The following SLC5A10 variants were observed in gnomAD, a reference collection of about 807,000 sequenced individuals.
SLC5A10 encodes the protein solute carrier family 5 member 10.
SLC5A10 carries 55 observed loss-of-function variants against 68.9 expected under a neutral mutation model. The observed-to-expected ratio is 0.80, with a 90% confidence interval of 0.64 to 1.00. The LOEUF (loss-of-function observed/expected upper bound fraction) is 1.00, where lower values mean the gene tolerates loss of function less well. SLC5A10 is among the 50% of genes least tolerant of loss of function. SLC5A10 has a pLI of 0.00. For synonymous variants in SLC5A10, 344 were observed against 344.8 expected (o/e 1.00, Z 0.02); for missense variants, 732 against 819.3 (o/e 0.89, Z 1.30).
upstream of SLC5A10, chr17:18,952,045 C>T: frequency 8.1e-7 from 1 of 1,228,784 alleles, no homozygotes; most frequent in Non-Finnish European, 1.1e-6. Flanking sequence ...AGCTGAACTG[C>T]ATGGTGAGGC....
intron 9 of SLC5A10, among the ~76,000 whole-genome samples, chr17:18,994,598 A>G (rs192497859): frequency 5.9e-5 from 9 of 152,294 alleles, no homozygotes; most frequent in Non-Finnish European, 1.0e-4. Flanking sequence ...TGGCTGGAAC[A>G]ATTGCTGGTG....
intron 9 of SLC5A10, among the ~76,000 whole-genome samples, chr17:18,980,947 G>A (rs745911086): frequency 7.2e-5 from 11 of 152,130 alleles, no homozygotes; most frequent in Admixed American, 5.9e-4. Context: ...GCTCTGTGCC[G>A]GCTTCTGGCT....
intron 1 of SLC5A10, among the ~76,000 whole-genome samples, chr17:18,957,224 C>T (rs1206659856): frequency 6.6e-6 from 1 of 152,150 alleles, no homozygotes; most frequent in Non-Finnish European, 1.5e-5. Context: ...CCAAGGCATA[C>T]GCGTTCAGTA....
At chr17:18,953,383 C>T (rs1009417732) in intron 1 of SLC5A10, among the ~76,000 whole-genome samples, 3 of 152,208 alleles carry the variant, frequency 2.0e-5, no homozygotes, top group Non-Finnish European at 2.9e-5. Flanking sequence ...TTGCCCGCCT[C>T]GGCCTCCCAA....
chr17:18,998,368 C>T (rs1310714194), intron 9 of SLC5A10, among the ~76,000 whole-genome samples: 2 of 152,260 alleles, frequency 1.3e-5, no homozygotes, highest in Non-Finnish European at 2.9e-5. Flanking sequence ...GGGACCAGCA[C>T]TCTCTGCTGG....
intron 9 of SLC5A10, among the ~76,000 whole-genome samples, chr17:19,005,031 C>CAG (rs2043843936): frequency 1.3e-5 from 2 of 152,220 alleles, no homozygotes; most frequent in Non-Finnish European, 2.9e-5. Context: ...GCCTTGGCAC[C>CAG]CCCCTGTGCC....
At chr17:19,001,146 C>T (rs569940413) in intron 9 of SLC5A10, among the ~76,000 whole-genome samples, 28 of 152,330 alleles carry the variant, frequency 1.8e-4, no homozygotes, top group Non-Finnish European at 2.9e-4. Context: ...TAAAGCGCCT[C>T]GCACTCAGTC....
intron 9 of SLC5A10, among the ~76,000 whole-genome samples, chr17:18,981,244 G>A (rs376121486): frequency 4.9e-4 from 75 of 152,282 alleles, no homozygotes; most frequent in African/African-American, 1.7e-3. Flanking sequence ...AGGTCACAGG[G>A]GGAGGTGGGG....
intron 1 of SLC5A10, among the ~76,000 whole-genome samples, chr17:18,955,400 G>C (rs1450660520): frequency 6.6e-6 from 1 of 152,188 alleles, no homozygotes; most frequent in East Asian, 1.9e-4. Flanking sequence ...CTGCTTCATA[G>C]AGCTGTTGCG....
chr17:18,984,572 G>A (rs1348877694), intron 9 of SLC5A10, among the ~76,000 whole-genome samples: 2 of 152,198 alleles, frequency 1.3e-5, no homozygotes, highest in Admixed American at 6.5e-5. Context: ...CATCAGAAAC[G>A]GGAAACGGGT....
At chr17:18,975,035 C>T (rs1217639207) in intron 8 of SLC5A10, among the ~76,000 whole-genome samples, 5 of 152,168 alleles carry the variant, frequency 3.3e-5, no homozygotes, top group Admixed American at 6.5e-5. Context: ...GGTGACAGCA[C>T]CTGTCCCAGG....
chr17:18,973,906 T>TC (rs1484588575), intron 8 of SLC5A10, among the ~76,000 whole-genome samples: 33 of 143,186 alleles, frequency 2.3e-4, no homozygotes, highest in African/African-American at 8.0e-4. Context: ...TTTTTTTTTT[T>TC]CCCAGAGACA....
Position 19,003,576 on chromosome 17 carries a change from C to A in SLC5A10, c.983-9834C>A. 1 of 1,593,426 alleles carries A rather than the reference C, an allele frequency of 6.3e-7. No individual in the cohort carries two copies. The highest frequency in any genetic ancestry group is 8.5e-7 in the Non-Finnish European group (1 of 1,169,866). On this transcript the variant is annotated intron_variant, in intron 9 of 14. Coordinates refer to ENST00000395645, the MANE Select transcript of SLC5A10 (RefSeq NM_001042450.4). This position sits in a 1 kb window ranked among gnomAD's most constrained non-coding sequence, Gnocchi z 4.5. ...ACCTCTTTGATGTGGGCCTGCCCGTCTATGGGGGGCTGCATGTAGACGCTA... is the reference window on the plus strand; with the variant it reads ...ACCTCTTTGATGTGGGCCTGCCCGTATATGGGGGGCTGCATGTAGACGCTA...
chr17:18,982,203 C>A (rs2043156006), intron 9 of SLC5A10, among the ~76,000 whole-genome samples: 1 of 152,230 alleles, frequency 6.6e-6, no homozygotes, highest in Non-Finnish European at 1.5e-5. Context: ...GGGCCTTAGT[C>A]TCCCTTAGCA....
chr17:18,976,742 C>A, intron 8 of SLC5A10, 112 bp from the exon 9 acceptor site: 1 of 1,405,228 alleles, frequency 7.1e-7, no homozygotes, highest in Non-Finnish European at 9.6e-7. Context: ...AGGTCAGAGG[C>A]TAATGGGACA....
chr17:18,956,884 C>T (rs1567775486), intron 1 of SLC5A10, among the ~76,000 whole-genome samples: 1 of 152,118 alleles, frequency 6.6e-6, no homozygotes, highest in African/African-American at 2.4e-5. Flanking sequence ...CCCACTAAAG[C>T]TCATAAAAAC....
chr17:18,960,510 C>A, intron 4 of SLC5A10, 38 bp from the exon 5 acceptor site: 2 of 1,577,622 alleles, frequency 1.3e-6, no homozygotes. Context: ...TGGGCATCAT[C>A]TGGAGGATGC....
At chr17:18,962,417 G>A (rs1397409655) in intron 5 of SLC5A10, among the ~76,000 whole-genome samples, 2 of 152,120 alleles carry the variant, frequency 1.3e-5, no homozygotes, top group African/African-American at 4.8e-5. Flanking sequence ...ACACTTCTGG[G>A]GCCAGATAAA....
chr17:19,017,031 G>T lies in SLC5A10; in HGVS notation c.1241+1832G>T, dbSNP rs1333237229. On this transcript the variant is annotated intron_variant, in intron 11 of 14. Transcript: ENST00000395645. This position sits in a 1 kb window ranked among gnomAD's most constrained non-coding sequence, Gnocchi z 5.6. ...ACCAAAAGTCTTGACCTGGCCTCCT[G>T]CTGCGCCAGCTCACCCAGCTGCCCG... Among the ~76,000 whole-genome samples, 2 of 152,162 alleles carry T rather than the reference G, an allele frequency of 1.3e-5. No homozygotes were observed. The highest frequency in any genetic ancestry group is 2.9e-5 in the Non-Finnish European group (2 of 68,022).
Sources: allele counts gnomAD v4.1 joint callset (sites outside exome capture counted in the v4.1 genomes callset), GRCh38; gene constraint gnomAD v4.1.1; non-coding constraint Gnocchi (gnomAD v3.1); transcripts MANE v1.5; gene names NCBI Gene and HGNC (gene_info 2026-07-23, HGNC 2026-07-21).